CNTNAP2: variants seen among roughly 807,000 people sequenced by gnomAD.
CNTNAP2 encodes the protein contactin-associated protein-like 2.
CNTNAP2 carries 98 observed loss-of-function variants against 155.2 expected under a neutral mutation model. The observed-to-expected ratio is 0.63, with a 90% CI of 0.54 to 0.75. The LOEUF is 0.75. Ranked by LOEUF, CNTNAP2 falls within the 30% of genes least tolerant of loss-of-function variation. The pLI, the probability that CNTNAP2 is intolerant of heterozygous loss-of-function variation, is 0.00. For missense variants in CNTNAP2, 1,727 were observed against 1,688.1 expected, an observed-to-expected ratio of 1.02 and a Z score of -0.40; for synonymous variants, 651 against 631.2, an observed-to-expected ratio of 1.03 and a Z score of -0.47.
intron 4 of CNTNAP2, among the ~76,000 whole-genome samples, chr7:147,085,383 T>G (rs1052150734): frequency 1.3e-5 from 2 of 152,046 alleles, no homozygotes; most frequent in Non-Finnish European, 2.9e-5. Flanking sequence ...TCCTGTCAGA[T>G]GAGTGCCCGC....
chr7:146,998,053 C>A (rs1196326195), intron 3 of CNTNAP2, among the ~76,000 whole-genome samples: 3 of 151,772 alleles, frequency 2.0e-5, no homozygotes, highest in East Asian at 1.9e-4. Flanking sequence ...TTTGCTCTAT[C>A]TTTATTATTT....
At chr7:147,178,646 C>A (rs529297213) in intron 8 of CNTNAP2, among the ~76,000 whole-genome samples, 42 of 152,250 alleles carry the variant, frequency 2.8e-4, no homozygotes, top group Non-Finnish European at 5.4e-4. Flanking sequence ...GGAATGGCTA[C>A]CCTGATTTTC....
intron 15 of CNTNAP2, among the ~76,000 whole-genome samples, chr7:148,109,123 T>A (rs1381351987): frequency 6.6e-6 from 1 of 152,220 alleles, no homozygotes; most frequent in African/African-American, 2.4e-5. Context: ...ACAGGCTGAC[T>A]GTAAGTGAAA....
intron 11 of CNTNAP2, among the ~76,000 whole-genome samples, chr7:147,499,247 A>G (rs7782708): frequency 0.29 from 43,362 of 151,772 alleles, 6,267 homozygotes; most frequent in East Asian, 0.42. Flanking sequence ...AATACTTACC[A>G]GCCAGGCATG....
intron 1 of CNTNAP2, among the ~76,000 whole-genome samples, chr7:146,304,362 C>A (rs960049819): frequency 2.6e-5 from 4 of 152,070 alleles, no homozygotes; most frequent in Non-Finnish European, 5.9e-5. Flanking sequence ...TTCTTCCTAG[C>A]ATTGATGGTC....
At chr7:148,175,089 A>G (rs1257940047) in intron 18 of CNTNAP2, among the ~76,000 whole-genome samples, 1 of 152,186 alleles carries the variant, frequency 6.6e-6, no homozygotes, top group Non-Finnish European at 1.5e-5. Flanking sequence ...ACATGAACTC[A>G]TTCTTTTTAC....
At chr7:148,061,920 TATAGATAGATAG>T (rs112163050) in intron 15 of CNTNAP2, among the ~76,000 whole-genome samples, 51 of 125,504 alleles carry the variant, frequency 4.1e-4, no homozygotes, top group African/African-American at 1.4e-3. Flanking sequence ...GATAAACAGA[TATAGATAGATAG>T]ATAGATAGAT....
At chr7:146,718,059 T>C (rs959680450) in intron 1 of CNTNAP2, among the ~76,000 whole-genome samples, 11 of 152,160 alleles carry the variant, frequency 7.2e-5, no homozygotes, top group African/African-American at 2.7e-4. Context: ...TAAACTTCAA[T>C]ATAATAACAA....
intron 3 of CNTNAP2, among the ~76,000 whole-genome samples, chr7:146,911,937 G>T (rs1189261409): frequency 1.3e-5 from 2 of 152,044 alleles, no homozygotes; most frequent in African/African-American, 4.8e-5. Flanking sequence ...AAATATTTAT[G>T]CCAAAACACA....
chr7:146,952,729 A>G (rs543496925), intron 3 of CNTNAP2, among the ~76,000 whole-genome samples: 1 of 152,280 alleles, frequency 6.6e-6, no homozygotes, highest in African/African-American at 2.4e-5. Context: ...AAGGGATGTG[A>G]AGGACCTCTT....
rs571941144 is a variant in CNTNAP2, at chr7:146,460,932, T to C, written c.98-313339T>C. The stretch of plus-strand genomic sequence containing the variant: ...ATGGTAACTATACTTTAAAATAATA[T>C]GTAATCATGTATTATGCTTTTGAAA... On this transcript the variant is annotated intron_variant, in intron 1 of 23. Coordinates refer to ENST00000361727, the MANE Select transcript of CNTNAP2 (RefSeq NM_014141.6). Among the ~76,000 whole-genome samples the C allele has an allele frequency of 9.3e-4, 142 of 152,288 alleles. 1 individual carries two copies. Among genetic ancestry groups the C allele is most frequent in the Non-Finnish European group, 1.7e-3 (113 of 68,030 alleles).
chr7:147,204,570 A>G (rs1802981484), intron 8 of CNTNAP2, among the ~76,000 whole-genome samples: 1 of 152,118 alleles, frequency 6.6e-6, no homozygotes, highest in African/African-American at 2.4e-5. Flanking sequence ...CACAAAATCA[A>G]TTTTTAAAAA....
intron 10 of CNTNAP2, among the ~76,000 whole-genome samples, chr7:147,468,842 T>TTCTTC (rs199649757): frequency 1.3e-4 from 7 of 55,408 alleles, no homozygotes; most frequent in African/African-American, 5.5e-4. Context: ...CTTCTTCTTC[T>TTCTTC]TTTTTTTTTT....
At chr7:148,233,875 C>T (rs1410367466) in intron 20 of CNTNAP2, among the ~76,000 whole-genome samples, 1 of 152,132 alleles carries the variant, frequency 6.6e-6, no homozygotes, top group Non-Finnish European at 1.5e-5. Context: ...CCTAGATGTT[C>T]TTGTGATAGT....
chr7:148,136,022 AGGGAGGGAGGG>A, intron 16 of CNTNAP2, among the ~76,000 whole-genome samples: 1 of 28,176 alleles, frequency 3.5e-5, no homozygotes, highest in South Asian at 2.4e-3. Flanking sequence ...GAAGGAAGGG[AGGGAGGGAGGG>A]AGGGAGGGAG....
chr7:148,391,603 C>CAGCCCTGAGTTAAGGTTTA (rs1268531934), intron 22 of CNTNAP2, among the ~76,000 whole-genome samples: 1 of 152,186 alleles, frequency 6.6e-6, no homozygotes, highest in African/African-American at 2.4e-5. Flanking sequence ...AAGTAACCCC[C>CAGCCCTGAGTTAAGGTTTA]AGCCCTGAGT....
chr7:147,337,551 A>G (rs1201152325), intron 9 of CNTNAP2, among the ~76,000 whole-genome samples: 1 of 152,180 alleles, frequency 6.6e-6, no homozygotes, highest in Non-Finnish European at 1.5e-5. Context: ...TGCAATATAA[A>G]AAAAAGTTTG....
intron 8 of CNTNAP2, among the ~76,000 whole-genome samples, chr7:147,293,529 C>T (rs1022354306): frequency 1.3e-5 from 2 of 152,024 alleles, no homozygotes; most frequent in Non-Finnish European, 2.9e-5. Context: ...AAGATGAATT[C>T]ATATTCTAGG....
At chr7:146,875,506 AC>A (rs934655236) in intron 3 of CNTNAP2, among the ~76,000 whole-genome samples, 1 of 152,158 alleles carries the variant, frequency 6.6e-6, no homozygotes, top group African/African-American at 2.4e-5. Context: ...GTTTTAAAAC[AC>A]GAAACTGTCT....
Sources: gnomAD v4.1 joint callset for allele counts (sites outside exome capture counted in the v4.1 genomes callset) on GRCh38, gnomAD v4.1.1 for gene constraint, MANE v1.5 for transcripts, NCBI Gene and HGNC (gene_info 2026-07-23, HGNC 2026-07-21) for gene names.